The following PDE1C variants were observed in gnomAD, a reference collection of about 807,000 sequenced individuals.
PDE1C encodes phosphodiesterase 1C.
In PDE1C, 62 loss-of-function variants were observed where a neutral mutation model predicts 93.1. The ratio of observed to expected loss-of-function variants is 0.67; its 90% confidence interval spans 0.54 to 0.82. PDE1C has a LOEUF of 0.82. Among genes scored for constraint, PDE1C ranks in the 40% least tolerant of loss-of-function variants. The probability of loss-of-function intolerance (pLI) is 0.00; values close to 1 mark genes in which losing one functional copy is unlikely to be tolerated. For synonymous variants in PDE1C, 325 were observed against 310.1 expected, an observed-to-expected ratio of 1.05 and a Z score of -0.50; for missense variants, 742 against 884.6, an observed-to-expected ratio of 0.84 and a Z score of 2.04.
the PDE1C span, among the ~76,000 whole-genome samples, chr7:31,690,756 C>G: frequency 6.6e-6 from 1 of 152,232 alleles, no homozygotes; most frequent in African/African-American, 2.4e-5. Context: ...GCAGATAGGA[C>G]CTTCAGTAGA....
intron 17 of PDE1C, among the ~76,000 whole-genome samples, chr7:31,773,182 TC>T (rs1258443009): frequency 1.3e-5 from 2 of 152,206 alleles, no homozygotes; most frequent in East Asian, 3.9e-4. Context: ...ACTACCCACT[TC>T]CACCTCTGAC....
At chr7:31,957,117 G>T (rs1808253314) in intron 2 of PDE1C, among the ~76,000 whole-genome samples, 2 of 150,726 alleles carry the variant, frequency 1.3e-5, no homozygotes, top group South Asian at 4.2e-4. Context: ...AACCACTGTG[G>T]TATTCAAACA....
chr7:31,653,966 G>GT, the PDE1C span, among the ~76,000 whole-genome samples: 1 of 150,928 alleles, frequency 6.6e-6, no homozygotes, highest in African/African-American at 2.4e-5. Flanking sequence ...CACCTACTGT[G>GT]TGCAGGCTAC....
intron 1 of PDE1C, among the ~76,000 whole-genome samples, chr7:32,420,630 T>C (rs1006936953): frequency 1.3e-5 from 2 of 151,694 alleles, no homozygotes; most frequent in Admixed American, 6.6e-5. Context: ...TTGAGTAAGA[T>C]TGTAATTGTT....
At chr7:32,407,001 C>T (rs527762177) in intron 1 of PDE1C, among the ~76,000 whole-genome samples, 8 of 152,258 alleles carry the variant, frequency 5.3e-5, no homozygotes, top group Middle Eastern at 6.8e-3. Context: ...ACAGGCCGGG[C>T]GCGGTGGCTC....
chr7:32,268,875 G>A (rs1238441896), intron 1 of PDE1C, among the ~76,000 whole-genome samples: 1 of 152,110 alleles, frequency 6.6e-6, no homozygotes, highest in African/African-American at 2.4e-5. Context: ...ATGCTGTCCA[G>A]GGAGGGGGCA....
chr7:32,053,739 A>G (rs937815884), intron 1 of PDE1C, among the ~76,000 whole-genome samples: 1 of 152,128 alleles, frequency 6.6e-6, no homozygotes, highest in Non-Finnish European at 1.5e-5. Context: ...AGAATCAAAG[A>G]TGAACAAAAA....
At chr7:32,139,900 G>T (rs888428949) in intron 3 of PDE1C, among the ~76,000 whole-genome samples, 1 of 116,362 alleles carries the variant, frequency 8.6e-6, no homozygotes, top group Non-Finnish European at 1.9e-5. Context: ...TGACTGTGAG[G>T]AGAGCTGGTC....
intron 3 of PDE1C, among the ~76,000 whole-genome samples, chr7:32,139,168 C>T (rs73102597): frequency 0.11 from 16,978 of 152,104 alleles, 1,108 homozygotes; most frequent in Middle Eastern, 0.17. Context: ...TAGGGTCTTT[C>T]TCCATCACCC....
chr7:32,310,529 G>T (rs1475954346), intron 1 of PDE1C, among the ~76,000 whole-genome samples: 11 of 152,072 alleles, frequency 7.2e-5, no homozygotes, highest in African/African-American at 1.9e-4. Flanking sequence ...AAATGTAAAA[G>T]AACAGAAATT....
chr7:31,787,697 A>C (rs1784156545), intron 16 of PDE1C: 1 of 152,202 alleles, frequency 6.6e-6, no homozygotes, highest in Non-Finnish European at 1.5e-5. Flanking sequence ...GTAAGATGCC[A>C]TAATCTGTGC....
the PDE1C span, among the ~76,000 whole-genome samples, chr7:31,713,239 GC>G: frequency 1.3e-5 from 2 of 152,164 alleles, no homozygotes; most frequent in African/African-American, 4.8e-5. Flanking sequence ...GGAGAAATTG[GC>G]CAAAACAAAG....
chr7:32,153,872 T>A (rs1158330427), intron 3 of PDE1C, among the ~76,000 whole-genome samples: 2 of 152,148 alleles, frequency 1.3e-5, no homozygotes, highest in Non-Finnish European at 2.9e-5. Context: ...TCTCTCTGCC[T>A]TTTTCTCTCT....
intron 7 of PDE1C, among the ~76,000 whole-genome samples, chr7:31,862,631 T>A (rs141775969): frequency 6.6e-6 from 1 of 152,258 alleles, no homozygotes; most frequent in African/African-American, 2.4e-5. Flanking sequence ...AAGGCACTAA[T>A]CCCATTCACG....
intron 2 of PDE1C, among the ~76,000 whole-genome samples, chr7:32,037,541 G>A (rs2128651086): frequency 6.6e-6 from 1 of 152,170 alleles, no homozygotes; most frequent in Middle Eastern, 3.4e-3. Context: ...TTCCACATCT[G>A]GCTGTTTTTC....
chr7:31,855,109 G>A (rs1049242893), intron 7 of PDE1C, among the ~76,000 whole-genome samples: 4 of 149,858 alleles, frequency 2.7e-5, no homozygotes, highest in African/African-American at 4.9e-5. Context: ...TTATTGGCAC[G>A]CAGTTCTGCC....
rs549032639 is a variant in PDE1C, at chr7:31,803,989, G to A, written c.1891+5042C>T. 2.0e-5 allele frequency among the ~76,000 whole-genome samples: 3 copies of A among 152,028 alleles called. No homozygotes were observed. In the East Asian group the frequency reaches 5.9e-4, roughly 30 times the overall value. The stretch of plus-strand genomic sequence containing the variant: ...AATTGCCACACTGACTTCCACAATG[G>A]TTGAGCTAGTTTACAGTCTGGTTGG... On this transcript the variant is annotated intron_variant, in intron 16 of 17. Transcript: ENST00000396191.
At chr7:32,209,390 C>A in intron 2 of PDE1C, 1 of 976,742 alleles carries the variant, frequency 1.0e-6, no homozygotes, top group Non-Finnish European at 1.5e-6. Context: ...ATTTTATTAA[C>A]ACCTGACAGA....
chr7:32,000,238 A>C (rs1465030856), intron 2 of PDE1C, among the ~76,000 whole-genome samples: 1 of 152,182 alleles, frequency 6.6e-6, no homozygotes, highest in Non-Finnish European at 1.5e-5. Flanking sequence ...TGGTGATAAC[A>C]GTCTCTTAAA....
Sources: gnomAD v4.1 joint callset for allele counts (sites outside exome capture counted in the v4.1 genomes callset) on GRCh38, gnomAD v4.1.1 for gene constraint, MANE v1.5 for transcripts, NCBI Gene and HGNC (gene_info 2026-07-23, HGNC 2026-07-21) for gene names.